The following CNTN4 variants were observed in gnomAD, a reference collection of about 807,000 sequenced individuals.
CNTN4 encodes contactin 4.
CNTN4 carries 77 observed loss-of-function variants against 122.5 expected under a neutral mutation model. The ratio of observed to expected loss-of-function variants is 0.63; its 90% CI spans 0.52 to 0.76. The LOEUF (loss-of-function observed/expected upper bound fraction) is 0.76. Among genes scored for constraint, CNTN4 ranks in the 30% least tolerant of loss-of-function variants. The pLI, the probability that CNTN4 is intolerant of heterozygous loss-of-function variation, is 0.00. For missense variants in CNTN4, 1,256 were observed against 1,259.1 expected (o/e 1.00, Z 0.04); for synonymous variants, 512 against 447.0 (o/e 1.15, Z -1.83).
intron 3 of CNTN4, among the ~76,000 whole-genome samples, chr3:2,561,458 G>C (rs754741625): frequency 1.1e-4 from 17 of 152,008 alleles, no homozygotes; most frequent in Admixed American, 6.6e-5. Context: ...CCTTGCATCC[G>C]CTCTCCTCCA....
intron 3 of CNTN4, among the ~76,000 whole-genome samples, chr3:2,353,664 G>T (rs760029083): frequency 6.6e-6 from 1 of 152,114 alleles, no homozygotes; most frequent in Non-Finnish European, 1.5e-5. Flanking sequence ...CACCGTGAGG[G>T]TCTGCAGCTT....
intron 4 of CNTN4, among the ~76,000 whole-genome samples, chr3:2,631,629 GT>G (rs35221791): frequency 6.1e-4 from 90 of 147,334 alleles, no homozygotes; most frequent in East Asian, 3.0e-3. Context: ...TAATTTTAAA[GT>G]TTTTTTTTTT....
At chr3:2,932,855 C>T (rs1348711099) in intron 13 of CNTN4, among the ~76,000 whole-genome samples, 5 of 150,480 alleles carry the variant, frequency 3.3e-5, no homozygotes, top group African/African-American at 1.2e-4. Context: ...CGGAGTCTCG[C>T]TCTGTCGCCC....
At chr3:2,907,755 T>C (rs1271052852) in intron 12 of CNTN4, among the ~76,000 whole-genome samples, 2 of 152,204 alleles carry the variant, frequency 1.3e-5, no homozygotes, top group Non-Finnish European at 2.9e-5. Context: ...AATAGGTTTT[T>C]CCCTTGGTTT....
intron 3 of CNTN4, among the ~76,000 whole-genome samples, chr3:2,542,804 G>A (rs2078086211): frequency 6.6e-6 from 1 of 152,056 alleles, no homozygotes; most frequent in Non-Finnish European, 1.5e-5. Context: ...TGAGTGGCAT[G>A]TTTCCTGGGC....
At chr3:2,644,707 G>A (rs542870492) in intron 4 of CNTN4, among the ~76,000 whole-genome samples, 2 of 148,354 alleles carry the variant, frequency 1.3e-5, no homozygotes, top group Non-Finnish European at 3.0e-5. Context: ...AGGACATTTG[G>A]GCTCTCTGAC....
chr3:2,120,382 T>TATAA (rs2033661640), intron 2 of CNTN4, among the ~76,000 whole-genome samples: 1 of 27,350 alleles, frequency 3.7e-5, no homozygotes, highest in African/African-American at 1.0e-4. Flanking sequence ...TAAATATATA[T>TATAA]ATATATATAT....
chr3:3,028,540 T>C (rs1415304081), intron 15 of CNTN4, among the ~76,000 whole-genome samples: 1 of 152,194 alleles, frequency 6.6e-6, no homozygotes, highest in Non-Finnish European at 1.5e-5. Context: ...ATATCCAGGC[T>C]GCAAGTTTCT....
At chr3:2,643,922 A>T (rs2150136096) in intron 4 of CNTN4, among the ~76,000 whole-genome samples, 1 of 152,150 alleles carries the variant, frequency 6.6e-6, no homozygotes, top group South Asian at 2.1e-4. Context: ...ATTTGCTCTC[A>T]TCAGATTTAA....
chr3:2,375,309 G>A (rs764261332), intron 3 of CNTN4, among the ~76,000 whole-genome samples: 5 of 152,284 alleles, frequency 3.3e-5, no homozygotes, highest in Non-Finnish European at 7.4e-5. Context: ...CATGCTGTTT[G>A]TATTTTCTTT....
intron 3 of CNTN4, among the ~76,000 whole-genome samples, chr3:2,547,678 A>G (rs1035058791): frequency 2.0e-5 from 3 of 152,162 alleles, no homozygotes; most frequent in Admixed American, 1.3e-4. Flanking sequence ...AACACTTAAT[A>G]GTCAAATGCC....
At chr3:2,548,166 C>G (rs919628064) in intron 3 of CNTN4, among the ~76,000 whole-genome samples, 2 of 152,138 alleles carry the variant, frequency 1.3e-5, no homozygotes, top group Non-Finnish European at 2.9e-5. Flanking sequence ...TGTGCGGAAG[C>G]TCTTTACTGT....
intron 4 of CNTN4, among the ~76,000 whole-genome samples, chr3:2,626,812 T>G (rs929771785): frequency 1.3e-5 from 2 of 152,212 alleles, no homozygotes; most frequent in Non-Finnish European, 2.9e-5. Context: ...CTGTACTAGA[T>G]GCTAGAGATA....
At chr3:3,022,345 G>A (rs1698377512) in intron 14 of CNTN4, among the ~76,000 whole-genome samples, 1 of 152,160 alleles carries the variant, frequency 6.6e-6, no homozygotes, top group Non-Finnish European at 1.5e-5. Context: ...TGAAGTTATG[G>A]TGAGCTTTGA....
intron 3 of CNTN4, among the ~76,000 whole-genome samples, chr3:2,457,024 A>T (rs988891757): frequency 6.6e-6 from 1 of 152,116 alleles, no homozygotes; most frequent in African/African-American, 2.4e-5. Context: ...CAGAGAGGTT[A>T]AAGTACCTCA....
At chr3:2,955,146 C>T (rs879882334) in intron 13 of CNTN4, among the ~76,000 whole-genome samples, 15 of 152,108 alleles carry the variant, frequency 9.9e-5, no homozygotes, top group Admixed American at 3.3e-4. Flanking sequence ...CACTAAAAAA[C>T]GGTAGACAGA....
At chr3:2,219,023 C>G (rs1169223923) in intron 2 of CNTN4, among the ~76,000 whole-genome samples, 1 of 152,136 alleles carries the variant, frequency 6.6e-6, no homozygotes, top group African/African-American at 2.4e-5. Flanking sequence ...TCAGCTTCCC[C>G]CTAGGATTAC....
At chr3:2,878,876 C>T (rs1158207418) in intron 8 of CNTN4, among the ~76,000 whole-genome samples, 2 of 152,068 alleles carry the variant, frequency 1.3e-5, no homozygotes, top group Non-Finnish European at 2.9e-5. Flanking sequence ...GCAAGCAAGA[C>T]AGTAGTAGAG....
At chr3:2,676,267 G>T (rs185731432) in intron 4 of CNTN4, among the ~76,000 whole-genome samples, 27 of 152,128 alleles carry the variant, frequency 1.8e-4, no homozygotes, top group African/African-American at 6.0e-4. Context: ...TGTCACCCAG[G>T]TTAGAGTGCA....
Sources: gnomAD v4.1 joint callset for allele counts (sites outside exome capture counted in the v4.1 genomes callset) on GRCh38, gnomAD v4.1.1 for gene constraint, MANE v1.5 for transcripts, NCBI Gene and HGNC (gene_info 2026-07-23, HGNC 2026-07-21) for gene names.